The following ZBTB41 variants were observed in gnomAD, a reference collection of about 807,000 sequenced individuals.
The protein encoded by ZBTB41 is zinc finger and BTB domain-containing protein 41.
ZBTB41 carries 42 observed loss-of-function variants against 87.6 expected under a neutral mutation model. That is an observed-to-expected ratio of 0.48 (90% CI 0.37 to 0.62). ZBTB41 has a LOEUF of 0.62. Ranked by LOEUF, ZBTB41 falls within the 20% of genes least tolerant of loss-of-function variation. The pLI is 0.00. For synonymous variants in ZBTB41, 364 were observed against 364.0 expected, an observed-to-expected ratio of 1.00 and a Z score of 0.00; for missense variants, 799 against 1,078.9, an observed-to-expected ratio of 0.74 and a Z score of 3.63.
chr1:197,182,640 C>A (rs1156808251), intron 5 of ZBTB41, among the ~76,000 whole-genome samples: 1 of 152,120 alleles, frequency 6.6e-6, no homozygotes, highest in South Asian at 2.1e-4. Flanking sequence ...ATTAAAAATT[C>A]TTCTCCTTTA....
intron 2 of ZBTB41, 60 bp downstream of exon 2, chr1:197,199,294 C>T: frequency 7.0e-7 from 1 of 1,428,808 alleles, no homozygotes; most frequent in Non-Finnish European, 9.2e-7. Context: ...TATTTATCAC[C>T]TTTAAAATAT....
rs1315826486 is a variant in ZBTB41 at position 197,155,006 on chromosome 1, T to A, written c.*4353A>T. ...GTTGCTGCTCCTAATGAGAAACTCA[T>A]CTCAAACCATCACCTCTTGTTCAGT... On this transcript the variant is annotated 3_prime_UTR_variant, in exon 11 of 11. Transcript: ENST00000367405. 1 of 152,414 alleles carries A rather than the reference T, an allele frequency of 6.6e-6. No homozygotes were observed. Among genetic ancestry groups the A allele is most frequent in the Non-Finnish European group, 1.5e-5 (1 of 67,902 alleles). The allele number at this position is 152,414 out of a possible 1,614,324, so 9.4% of individuals were successfully genotyped here.
chr1:197,184,371 C>T (rs181314900), intron 5 of ZBTB41, among the ~76,000 whole-genome samples: 17 of 152,280 alleles, frequency 1.1e-4, no homozygotes, highest in South Asian at 6.2e-4. Flanking sequence ...TCCCTTGTTG[C>T]GCAATAGTGC....
rs1342914869 is a variant in ZBTB41, at chr1:197,199,604, T to C, written c.870A>G (p.Ser290=). The C allele has an allele frequency of 7.5e-6, 12 of 1,609,968 alleles. No individual in the cohort carries two copies. The highest frequency in any genetic ancestry group is 2.2e-5 in the East Asian group (1 of 44,850). The stretch of plus-strand genomic sequence containing the variant: ...CAGGGTCCTCAGAATCATTTCTATC[T>C]GACTTTTCCTTATCAAAATTTTCTT... ...LNQENFDKEK[S]DRNDSEDPGS... The change falls in exon 2 of 11, where the codon TCA becomes TCG. Residue 290 remains serine, a synonymous_variant. Transcript: ENST00000367405.
intron 2 of ZBTB41, among the ~76,000 whole-genome samples, chr1:197,195,894 TA>T (rs1660150502): frequency 6.6e-6 from 1 of 152,154 alleles, no homozygotes; most frequent in South Asian, 2.1e-4. Context: ...GGAATCAAAT[TA>T]GTAGATTACT....
intron 2 of ZBTB41, among the ~76,000 whole-genome samples, chr1:197,192,777 G>A (rs763733637): frequency 1.3e-5 from 2 of 151,976 alleles, no homozygotes; most frequent in African/African-American, 2.4e-5. Flanking sequence ...TACATCCTAT[G>A]TATAACATGA....
chr1:197,159,713 C>T lies in ZBTB41; in HGVS notation c.2376G>A (p.Gln792=). ...TCTGTAACATCGTCTTGGCTTCCGA[C>T]TGATAAACTTTGGGCTGGTCCATAT... is the stretch of plus-strand genomic sequence containing the variant. ...KQYMDQPKVY[Q]SEAKTMLQNV... is the part of the protein sequence containing the mutation. Residue 792 remains glutamine, a synonymous_variant, in exon 11 of 11, where the codon CAG becomes CAA. Transcript: ENST00000367405. The T allele has an allele frequency of 4.3e-6, 7 of 1,614,008 alleles. No homozygotes were observed. The highest frequency in any genetic ancestry group is 5.9e-6 in the Non-Finnish European group (7 of 1,179,928).
chr1:197,167,311 CTGCCTT>C (rs1659372052), intron 10 of ZBTB41, among the ~76,000 whole-genome samples: 1 of 152,164 alleles, frequency 6.6e-6, no homozygotes, highest in Admixed American at 6.5e-5. Flanking sequence ...CCTCCCGCCT[CTGCCTT>C]TAGAGTAGCT....
intron 5 of ZBTB41, among the ~76,000 whole-genome samples, chr1:197,186,101 G>A (rs930814727): frequency 1.1e-4 from 17 of 151,880 alleles, no homozygotes; most frequent in African/African-American, 4.1e-4. Flanking sequence ...TCAAGACAGT[G>A]TAGTATTGGC....
At chr1:197,160,855 G>A (rs868224126) in intron 10 of ZBTB41, among the ~76,000 whole-genome samples, 1 of 152,116 alleles carries the variant, frequency 6.6e-6, no homozygotes, top group African/African-American at 2.4e-5. Flanking sequence ...CATAGGCGTC[G>A]TAGAAGATGG....
chr1:197,190,733 T>C, intron 4 of ZBTB41, 29 bp downstream of exon 4: 1 of 1,470,618 alleles, frequency 6.8e-7, no homozygotes, highest in Non-Finnish European at 9.4e-7. Context: ...ACTTTGGTTT[T>C]CTAATTTGTT....
intron 7 of ZBTB41, among the ~76,000 whole-genome samples, chr1:197,177,977 G>A (rs1001276326): frequency 2.0e-5 from 3 of 151,988 alleles, no homozygotes; most frequent in Non-Finnish European, 4.4e-5. Context: ...ATATGGTCAA[G>A]GATTCAACCA....
At chr1:197,179,428 A>G (rs1027128110) in intron 6 of ZBTB41, among the ~76,000 whole-genome samples, 19 of 152,156 alleles carry the variant, frequency 1.2e-4, no homozygotes, top group African/African-American at 4.6e-4. Flanking sequence ...AATTGTGTCC[A>G]GTACATAATT....
chr1:197,172,060 C>G (rs532664565), intron 10 of ZBTB41, 100 bp downstream of exon 10: 2 of 430,690 alleles, frequency 4.6e-6, no homozygotes, highest in African/African-American at 4.2e-5. Context: ...GAAATTTAAC[C>G]AAGAACAACA....
chr1:197,185,402 C>G (rs965058039), intron 5 of ZBTB41, among the ~76,000 whole-genome samples: 3 of 152,140 alleles, frequency 2.0e-5, no homozygotes, highest in Non-Finnish European at 4.4e-5. Context: ...CAACTCTCCA[C>G]CTTGGCCATA....
chr1:197,191,663 G>C (rs1243271091), intron 3 of ZBTB41, 29 bp downstream of exon 3: 9 of 1,571,140 alleles, frequency 5.7e-6, no homozygotes, highest in Non-Finnish European at 7.8e-6. Flanking sequence ...GCACAATAAA[G>C]TATATTATGG....
intron 9 of ZBTB41, 28 bp from the exon 10 acceptor site, chr1:197,172,276 T>C (rs1659501050): frequency 2.4e-6 from 2 of 848,568 alleles, no homozygotes; most frequent in South Asian, 3.5e-5. Context: ...TTTGAGTTTT[T>C]CAATATAATT....
At chr1:197,178,386 C>A in intron 7 of ZBTB41, 31 bp downstream of exon 7, 1 of 1,426,074 alleles carries the variant, frequency 7.0e-7, no homozygotes. Flanking sequence ...TTCTATCTTA[C>A]TTAATAAAGG....
At chr1:197,166,578 G>A (rs1481360991) in intron 10 of ZBTB41, among the ~76,000 whole-genome samples, 3 of 152,018 alleles carry the variant, frequency 2.0e-5, no homozygotes, top group African/African-American at 4.8e-5. Flanking sequence ...CAGCATGGTG[G>A]CTCACACCTG....
Sources: gnomAD v4.1 joint callset for allele counts (sites outside exome capture counted in the v4.1 genomes callset) on GRCh38, gnomAD v4.1.1 for gene constraint, MANE v1.5 for transcripts, NCBI Gene and HGNC (gene_info 2026-07-23, HGNC 2026-07-21) for gene names.